Variants in GNAT3 observed in about 807,000 individuals in gnomAD.
GNAT3 encodes G protein subunit alpha transducin 3, also known as guanine nucleotide-binding protein G(t) subunit alpha-3.
Under a neutral mutation model 37.7 loss-of-function variants are expected in GNAT3, and 31 were observed. The observed-to-expected ratio is 0.82, with a 90% CI of 0.62 to 1.11. The LOEUF (loss-of-function observed/expected upper bound fraction) is 1.11, where lower values mean the gene tolerates loss of function less well. Among genes scored for constraint, GNAT3 ranks in the 50% most tolerant of loss-of-function variants. The probability of loss-of-function intolerance (pLI) is 0.00; values close to 1 mark genes in which losing one functional copy is unlikely to be tolerated. For missense variants in GNAT3, 437 were observed against 412.5 expected (o/e 1.06, Z -0.51); for synonymous variants, 138 against 139.8 (o/e 0.99, Z 0.09).
In GNAT3 at chr7:80,465,954, A is replaced by G. The variant is rs140687525; in HGVS notation, c.591-3323T>C. 2.1e-3 allele frequency among the ~76,000 whole-genome samples: 313 copies of G among 152,234 alleles called. 1 individual carries two copies. The highest frequency in any genetic ancestry group is 7.2e-3 in the African/African-American group (299 of 41,554). ...TTATGGATTTGGGGGACCTGAGGGTAGAGTATACATTACTAGGTTTAAACT... is the reference window on the plus strand; with the variant it reads ...TTATGGATTTGGGGGACCTGAGGGTGGAGTATACATTACTAGGTTTAAACT... On this transcript the variant is annotated intron_variant, in intron 5 of 7. Transcript: ENST00000398291.
intron 1 of GNAT3, among the ~76,000 whole-genome samples, chr7:80,497,572 ACATATAC>A (rs1562732678): frequency 3.0e-5 from 4 of 135,554 alleles, no homozygotes; most frequent in African/African-American, 1.2e-4. Flanking sequence ...ATACGTATAT[ACATATAC>A]GTATATACAT....
At chr7:80,466,038 C>T (rs943589648) in intron 5 of GNAT3, among the ~76,000 whole-genome samples, 2 of 152,056 alleles carry the variant, frequency 1.3e-5, no homozygotes, top group South Asian at 2.1e-4. Context: ...GGGTTTTTAA[C>T]CCATAAGGAT....
chr7:80,465,871 T>C (rs1790121564), intron 5 of GNAT3, among the ~76,000 whole-genome samples: 1 of 152,110 alleles, frequency 6.6e-6, no homozygotes, highest in Admixed American at 6.6e-5. Context: ...TATGAATATA[T>C]TGTGGATCAC....
intron 3 of GNAT3, among the ~76,000 whole-genome samples, chr7:80,483,273 G>A (rs1790422095): frequency 6.6e-6 from 1 of 151,896 alleles, no homozygotes; most frequent in Non-Finnish European, 1.5e-5. Context: ...ACACTTTATT[G>A]AACATAGTGT....
intron 3 of GNAT3, among the ~76,000 whole-genome samples, chr7:80,484,550 C>A (rs923331219): frequency 2.6e-5 from 4 of 151,952 alleles, no homozygotes; most frequent in Admixed American, 2.0e-4. Context: ...AAAAGTGTTA[C>A]AATTTTCAGC....
At chr7:80,473,117 A>G (rs1231778362) in intron 5 of GNAT3, among the ~76,000 whole-genome samples, 1 of 152,174 alleles carries the variant, frequency 6.6e-6, no homozygotes, top group African/African-American at 2.4e-5. Flanking sequence ...GAACTATACA[A>G]TAGTGAAGCC....
rs768856289 is a variant in GNAT3 at position 80,476,764 on chromosome 7, GA to G, written c.461+2076del. Among the ~76,000 whole-genome samples the G allele has an allele frequency of 8.7e-5, 13 of 149,024 alleles. No homozygotes were observed. In the South Asian group the frequency reaches 1.7e-3, roughly 20 times the overall value. On this transcript the variant is annotated intron_variant, in intron 4 of 7. Transcript: ENST00000398291. ...GTTTTCTAATGTAATTCAGTGTTTG[GA>G]AAAAAAAATCTGCTCTTAATTTCTG... is the stretch of plus-strand genomic sequence containing the variant.
intron 3 of GNAT3, among the ~76,000 whole-genome samples, chr7:80,479,627 C>G (rs1051229919): frequency 5.5e-5 from 8 of 146,524 alleles, no homozygotes; most frequent in Middle Eastern, 3.7e-3. Flanking sequence ...GGGAGAATTG[C>G]TTGAGCTTGG....
chr7:80,477,909 T>C (rs938403213), intron 4 of GNAT3, among the ~76,000 whole-genome samples: 4 of 152,152 alleles, frequency 2.6e-5, no homozygotes, highest in African/African-American at 9.7e-5. Flanking sequence ...CTAAAATAAT[T>C]GTTTTTTGGG....
chr7:80,466,773 A>G (rs799928), intron 5 of GNAT3, among the ~76,000 whole-genome samples: 3,423 of 152,228 alleles, frequency 0.022, 126 homozygotes, highest in African/African-American at 0.077. Context: ...AGCAAACTCA[A>G]TGGCTATGTC....
At chr7:80,489,760 G>GA in intron 2 of GNAT3, among the ~76,000 whole-genome samples, 1 of 152,090 alleles carries the variant, frequency 6.6e-6, no homozygotes, top group Non-Finnish European at 1.5e-5. Flanking sequence ...AAAGGCTGTA[G>GA]AAAAAAATGC....
chr7:80,461,885 CA>C (rs1790056359), intron 7 of GNAT3, among the ~76,000 whole-genome samples: 2 of 152,174 alleles, frequency 1.3e-5, no homozygotes, highest in African/African-American at 4.8e-5. Context: ...GAAGACAATT[CA>C]GGTTCCAATG....
intron 3 of GNAT3, among the ~76,000 whole-genome samples, chr7:80,485,265 T>C (rs189811941): frequency 1.0e-3 from 155 of 152,150 alleles, no homozygotes; most frequent in Non-Finnish European, 2.0e-3. Context: ...CATCCTACTT[T>C]CTTAGTATGA....
chr7:80,477,152 A>G (rs1316943547), intron 4 of GNAT3, among the ~76,000 whole-genome samples: 1 of 152,192 alleles, frequency 6.6e-6, no homozygotes, highest in Non-Finnish European at 1.5e-5. Context: ...CTAAAATTAA[A>G]TACTAGAAAA....
At chr7:80,476,564 C>T (rs1319485048) in intron 4 of GNAT3, among the ~76,000 whole-genome samples, 2 of 151,050 alleles carry the variant, frequency 1.3e-5, no homozygotes, top group Admixed American at 6.6e-5. Context: ...CATTCCTTTC[C>T]CTTATTCTGA....
At chr7:80,509,156 T>C (rs1169686226) in intron 1 of GNAT3, among the ~76,000 whole-genome samples, 1 of 152,046 alleles carries the variant, frequency 6.6e-6, no homozygotes, top group African/African-American at 2.4e-5. Flanking sequence ...CTAAGCACTT[T>C]TATAATGTCT....
intron 4 of GNAT3, among the ~76,000 whole-genome samples, chr7:80,477,487 C>G (rs571147566): frequency 6.6e-6 from 1 of 152,116 alleles, no homozygotes; most frequent in Non-Finnish European, 1.5e-5. Flanking sequence ...CATCAGAGAG[C>G]TAGGAAAAAC....
chr7:80,473,072 A>G (rs556640665), intron 5 of GNAT3, among the ~76,000 whole-genome samples: 3 of 152,298 alleles, frequency 2.0e-5, no homozygotes, highest in Non-Finnish European at 4.4e-5. Flanking sequence ...AACTGGATCA[A>G]AGGTGAGGAG....
intron 4 of GNAT3, among the ~76,000 whole-genome samples, chr7:80,477,728 C>G (rs568833810): frequency 6.6e-6 from 1 of 152,014 alleles, no homozygotes. Context: ...TTTAATTAAA[C>G]GATGCTAGCA....
Sources: gnomAD v4.1 joint callset for allele counts (sites outside exome capture counted in the v4.1 genomes callset) on GRCh38, gnomAD v4.1.1 for gene constraint, MANE v1.5 for transcripts, NCBI Gene and HGNC (gene_info 2026-07-23, HGNC 2026-07-21) for gene names.